Variants in RFX4 observed in about 807,000 individuals in gnomAD.
RFX4 encodes transcription factor RFX4.
In RFX4, 10 loss-of-function variants were observed where a neutral mutation model predicts 95.0. The ratio of observed to expected loss-of-function variants is 0.11; its 90% CI spans 0.06 to 0.18. The LOEUF is 0.18. Among genes scored for constraint, RFX4 ranks in the 10% least tolerant of loss-of-function variants. The probability of loss-of-function intolerance (pLI) is 1.00; values close to 1 mark genes in which losing one functional copy is unlikely to be tolerated. For synonymous variants in RFX4, 321 were observed against 340.7 expected, an observed-to-expected ratio of 0.94 and a Z score of 0.64; for missense variants, 640 against 922.0, an observed-to-expected ratio of 0.69 and a Z score of 3.96.
intron 1 of RFX4, among the ~76,000 whole-genome samples, chr12:106,587,895 T>C (rs552120004): frequency 1.3e-5 from 2 of 152,218 alleles, no homozygotes; most frequent in African/African-American, 2.4e-5. Flanking sequence ...TTCTGATTTT[T>C]CCCCCCTTTT....
chr12:106,615,428 T>C (rs2040054554), intron 2 of RFX4, among the ~76,000 whole-genome samples: 1 of 152,216 alleles, frequency 6.6e-6, no homozygotes, highest in Non-Finnish European at 1.5e-5. Flanking sequence ...TTGTTCTTCT[T>C]TACTTCTTCA....
chr12:106,717,151 A>C (rs1271606903), intron 11 of RFX4, among the ~76,000 whole-genome samples: 3 of 151,994 alleles, frequency 2.0e-5, no homozygotes, highest in Non-Finnish European at 2.9e-5. Flanking sequence ...CCCTAATAGC[A>C]CTGGGGGTAC....
rs911022449 is a variant in RFX4, at chr12:106,687,160, T to A, written c.591+63T>A. ...TTCTCTCTCTTTCTCTCTCTCTCTC[T>A]GTCTCTATCTCTCTCTCTCTCTCAC... is the stretch of plus-strand genomic sequence containing the variant. On this transcript the variant is annotated intron_variant, in intron 6 of 17. Coordinates refer to ENST00000392842, the MANE Select transcript of RFX4 (RefSeq NM_213594.3). 3 of 1,238,846 alleles carry A rather than the reference T, an allele frequency of 2.4e-6. No homozygotes were observed. In the African/African-American group the frequency reaches 4.9e-5, roughly 20 times the overall value. The allele number at this position is 1,238,846 out of a possible 1,614,324, so 76.7% of individuals were successfully genotyped here.
At chr12:106,721,799 G>A (rs1386708927) in intron 13 of RFX4, among the ~76,000 whole-genome samples, 1 of 152,182 alleles carries the variant, frequency 6.6e-6, no homozygotes, top group African/African-American at 2.4e-5. Flanking sequence ...AAGCCAATCA[G>A]CTCTGGGTTT....
chr12:106,715,697 C>T, intron 11 of RFX4, 153 bp downstream of exon 11: 3 of 853,254 alleles, frequency 3.5e-6, no homozygotes, highest in South Asian at 1.8e-5. Flanking sequence ...ATGAGTCAGT[C>T]CAGAAGGAAG....
At chr12:106,686,848 T>G (rs2041662578) in intron 5 of RFX4, 36 bp from the exon 6 acceptor site, 1 of 1,503,022 alleles carries the variant, frequency 6.7e-7, no homozygotes, top group South Asian at 1.2e-5. Context: ...TCTTTTTTTT[T>G]TTTTCTCTCT....
chr12:106,641,957 ATATCTATATC>A (rs1335397159), intron 3 of RFX4, among the ~76,000 whole-genome samples: 9 of 131,696 alleles, frequency 6.8e-5, no homozygotes, highest in South Asian at 2.6e-4. Context: ...ATATCTATCT[ATATCTATATC>A]TATCTATATC....
At position 106,628,358 on chromosome 12, in the gene RFX4, T is replaced by C. The variant is rs150583614; in HGVS notation, c.131-10974T>C. On this transcript the variant is annotated intron_variant, in intron 2 of 17. Coordinates refer to ENST00000392842, the MANE Select transcript of RFX4 (RefSeq NM_213594.3). ...GACTGTATCTCACCAGCACTTAACA[T>C]AGTAGGGCCTGGTACATAGTAGGTG... 6.3e-3 allele frequency among the ~76,000 whole-genome samples: 963 copies of C among 152,240 alleles called. 8 individuals are homozygous for C. The highest frequency in any genetic ancestry group is 0.022 in the African/African-American group (930 of 41,532).
At chr12:106,613,366 ATTT>A (rs543428046) in intron 2 of RFX4, among the ~76,000 whole-genome samples, 3 of 141,516 alleles carry the variant, frequency 2.1e-5, no homozygotes, top group Admixed American at 7.0e-5. Context: ...TTTTGCATCA[ATTT>A]TTTTTTTTTT....
chr12:106,694,597 T>C (rs946071174), intron 7 of RFX4, among the ~76,000 whole-genome samples: 4 of 152,178 alleles, frequency 2.6e-5, no homozygotes, highest in African/African-American at 4.8e-5. Flanking sequence ...AGACATAGGC[T>C]CTATCTCAGC....
At chr12:106,690,203 T>C (rs921872801) in intron 7 of RFX4, among the ~76,000 whole-genome samples, 2 of 152,142 alleles carry the variant, frequency 1.3e-5, no homozygotes, top group Admixed American at 6.5e-5. Flanking sequence ...GTTGAGCACT[T>C]CCACTATCAC....
chr12:106,599,225 G>A (rs528542721), intron 1 of RFX4, among the ~76,000 whole-genome samples: 1 of 147,568 alleles, frequency 6.8e-6, no homozygotes, highest in African/African-American at 2.5e-5. Flanking sequence ...ATGACCCTTA[G>A]TTAATTTCCT....
intron 4 of RFX4, among the ~76,000 whole-genome samples, chr12:106,664,040 T>C (rs1281559388): frequency 6.6e-6 from 1 of 151,838 alleles, no homozygotes; most frequent in Non-Finnish European, 1.5e-5. Context: ...GCCTTTTATC[T>C]GATTTTGGTA....
intron 1 of RFX4, among the ~76,000 whole-genome samples, chr12:106,591,899 G>A (rs2039553410): frequency 6.6e-6 from 1 of 152,172 alleles, no homozygotes; most frequent in South Asian, 2.1e-4. Context: ...TTAGTGAAAA[G>A]AACATGAGCT....
chr12:106,586,155 G>A lies in RFX4; in HGVS notation c.43+2792G>A, dbSNP rs2039454229. Among the ~76,000 whole-genome samples the A allele has an allele frequency of 6.6e-6, 1 of 152,196 alleles. No homozygotes were observed. Among genetic ancestry groups the A allele is most frequent in the Non-Finnish European group, 1.5e-5 (1 of 68,026 alleles). ...AAGCCCCAGCTTGCCGCGCGCCGCG[G>A]TGCTCCGGCAGGAGGCAAAGGCGAC... On this transcript the variant is annotated intron_variant, in intron 1 of 17. Coordinates refer to ENST00000392842, the MANE Select transcript of RFX4 (RefSeq NM_213594.3). The surrounding 1 kb of genome is among the most constrained non-coding windows in gnomAD (Gnocchi z 5.6).
At chr12:106,718,688 T>A (rs1434449262) in intron 11 of RFX4, among the ~76,000 whole-genome samples, 2 of 152,220 alleles carry the variant, frequency 1.3e-5, no homozygotes, top group African/African-American at 4.8e-5. Flanking sequence ...AAGAAACGTA[T>A]GGATCTTGAA....
intron 1 of RFX4, among the ~76,000 whole-genome samples, chr12:106,590,798 T>G (rs2039528501): frequency 6.6e-6 from 1 of 151,954 alleles, no homozygotes; most frequent in African/African-American, 2.4e-5. Context: ...ATTTAAAAAA[T>G]TAGACGGACA....
intron 10 of RFX4, 35 bp from the exon 11 acceptor site, chr12:106,715,365 C>T: frequency 6.2e-7 from 1 of 1,603,524 alleles, no homozygotes; most frequent in Non-Finnish European, 8.5e-7. Context: ...TTTTAACAAC[C>T]CATGAGCTAA....
intron 2 of RFX4, among the ~76,000 whole-genome samples, chr12:106,625,446 G>T (rs905637478): frequency 6.6e-6 from 1 of 152,164 alleles, no homozygotes; most frequent in African/African-American, 2.4e-5. Context: ...CAGGTCTCAT[G>T]AATTCTCACT....
Sources: allele counts gnomAD v4.1 joint callset (sites outside exome capture counted in the v4.1 genomes callset), GRCh38; gene constraint gnomAD v4.1.1; non-coding constraint Gnocchi (gnomAD v3.1); transcripts MANE v1.5; gene names NCBI Gene and HGNC (gene_info 2026-07-23, HGNC 2026-07-21).